The following CMIP variants were observed in gnomAD, a reference collection of about 807,000 sequenced individuals.
CMIP encodes c-Maf inducing protein.
CMIP carries 13 observed loss-of-function variants against 97.3 expected under a neutral mutation model. The observed-to-expected ratio is 0.13, with a 90% CI of 0.09 to 0.21. The LOEUF (loss-of-function observed/expected upper bound fraction) is 0.21, where lower values mean the gene tolerates loss of function less well. Ranked by LOEUF, CMIP falls within the 10% of genes least tolerant of loss-of-function variation. The pLI is 1.00. For synonymous variants in CMIP, 538 were observed against 436.3 expected (o/e 1.23, Z -2.91); for missense variants, 847 against 1,024.9 (o/e 0.83, Z 2.37).
chr16:81,685,563 C>T (rs1905288925), intron 10 of CMIP, among the ~76,000 whole-genome samples: 1 of 152,036 alleles, frequency 6.6e-6, no homozygotes, highest in South Asian at 2.1e-4. Flanking sequence ...CCCTCCCTTT[C>T]ATTTTTTGAG....
intron 9 of CMIP, among the ~76,000 whole-genome samples, chr16:81,674,222 G>C (rs780900717): frequency 6.6e-6 from 1 of 152,162 alleles, no homozygotes; most frequent in East Asian, 1.9e-4. Flanking sequence ...TCATTCCCAA[G>C]GGCATGTTCT....
chr16:81,605,681 G>A (rs1430720521), intron 1 of CMIP, among the ~76,000 whole-genome samples: 1 of 152,174 alleles, frequency 6.6e-6, no homozygotes, highest in Admixed American at 6.5e-5. Flanking sequence ...TGGCCGTGGG[G>A]TCTGTGACAC....
At chr16:81,656,752 C>G (rs1422834313) in intron 4 of CMIP, among the ~76,000 whole-genome samples, 2 of 152,202 alleles carry the variant, frequency 1.3e-5, no homozygotes, top group Non-Finnish European at 2.9e-5. Flanking sequence ...CTTCTCCTGC[C>G]TCAGCCTCCC....
At chr16:81,578,205 ATCATCACCACCATCATAACCATCACCT>A (rs2091234896) in intron 1 of CMIP, among the ~76,000 whole-genome samples, 3 of 151,464 alleles carry the variant, frequency 2.0e-5, no homozygotes, top group Admixed American at 1.3e-4. Flanking sequence ...CACCATCACC[ATCATCACCACCATCATAACCATCACCT>A]TCATCACCAC....
Position 81,691,786 on chromosome 16 carries a change from A to T in CMIP, c.1400A>T (p.Asp467Val), listed in dbSNP as rs1906108981. ...CTCTCTCATTCTAGGTCAGACTATG[A>T]TGACTGGAGACCGTCTCTGGCCAGT... ...VEILKLLSDY[D>V]DWRPSLASLL... The change falls in exon 11 of 21, where the codon GAT (aspartate) becomes GTT (valine). Residue 467 changes from aspartate (D) to valine (V), a missense_variant. Asp to Val is a radical substitution (Grantham distance 152, BLOSUM62 -3). This residue lies in a region of CMIP where 202 missense variants were observed against 168.7 expected (regional missense o/e 1.20). Transcript: ENST00000537098. 1.9e-6 allele frequency: 3 copies of T among 1,613,844 alleles called. No individual in the cohort carries two copies. The East Asian group carries it at 6.7e-5, about 36-fold the overall frequency.
chr16:81,496,569 G>A (rs543252426), intron 1 of CMIP, among the ~76,000 whole-genome samples: 1 of 152,238 alleles, frequency 6.6e-6, no homozygotes, highest in East Asian at 1.9e-4. Flanking sequence ...GGATGACGAT[G>A]TCTCAAAGTA....
chr16:81,456,539 A>G (rs77700579), intron 1 of CMIP, among the ~76,000 whole-genome samples: 1 of 152,108 alleles, frequency 6.6e-6, no homozygotes, highest in Admixed American at 6.5e-5. Context: ...AGACACTACT[A>G]GAGCCCTTTG....
chr16:81,577,167 T>G lies in CMIP; in HGVS notation c.301-30400T>G, dbSNP rs563857274. Among the ~76,000 whole-genome samples, 16 of 144,334 alleles carry G rather than the reference T, an allele frequency of 1.1e-4. No individual in the cohort carries two copies. In the South Asian group the frequency reaches 3.3e-3, roughly 30 times the overall value. The allele number at this position is 144,334 out of a possible 152,430, so 94.7% of individuals were successfully genotyped here. ...CACCATCATCCCCATTACCACTACA[T>G]TATTATCACTATCACCATCACCATC... On this transcript the variant is annotated intron_variant, in intron 1 of 20. Transcript: ENST00000537098.
chr16:81,597,285 A>G (rs1425972620), intron 1 of CMIP, among the ~76,000 whole-genome samples: 1 of 151,982 alleles, frequency 6.6e-6, no homozygotes, highest in East Asian at 1.9e-4. Context: ...AACACTTATC[A>G]TTTTTCATCT....
At chr16:81,572,866 A>G (rs564070670) in intron 1 of CMIP, among the ~76,000 whole-genome samples, 51 of 152,302 alleles carry the variant, frequency 3.3e-4, no homozygotes, top group African/African-American at 1.2e-3. Context: ...TAGCACCAGC[A>G]TCAGTCCTGC....
intron 1 of CMIP, among the ~76,000 whole-genome samples, chr16:81,578,795 G>C (rs16955583): frequency 6.6e-5 from 10 of 152,180 alleles, no homozygotes. Context: ...CACTGGCGTC[G>C]GAAAAGTTCC....
intron 14 of CMIP, among the ~76,000 whole-genome samples, chr16:81,698,587 G>A (rs371279614): frequency 2.6e-5 from 4 of 152,320 alleles, no homozygotes; most frequent in South Asian, 2.1e-4. Context: ...GAGCAGGGGA[G>A]GGGGCTTTTT....
At chr16:81,666,549 G>C (rs1227726655) in intron 7 of CMIP, 1 of 152,090 alleles carries the variant, frequency 6.6e-6, no homozygotes, top group Admixed American at 6.6e-5. Context: ...ACCGCTCTGG[G>C]CAGACCCAGA....
chr16:81,609,180 C>G lies in CMIP; in HGVS notation c.426+1488C>G. Among the ~76,000 whole-genome samples, 2 of 151,602 alleles carry G rather than the reference C, an allele frequency of 1.3e-5. 1 individual carries two copies. Among genetic ancestry groups the G allele is most frequent in the Non-Finnish European group, 2.9e-5 (2 of 67,910 alleles). ...CTGTCCCCACACCCCCACACTGTCC[C>G]TCCCCCCCTCCCCACCACAGCCAGC... is the stretch of plus-strand genomic sequence containing the variant. On this transcript the variant is annotated intron_variant, in intron 2 of 20. Transcript: ENST00000537098.
At chr16:81,467,194 C>G (rs370015284) in intron 1 of CMIP, among the ~76,000 whole-genome samples, 1 of 152,192 alleles carries the variant, frequency 6.6e-6, no homozygotes, top group Non-Finnish European at 1.5e-5. Context: ...TGTTTGTCAC[C>G]GGTCCCTAAC....
At chr16:81,670,031 C>A in intron 7 of CMIP, 111 bp from the exon 8 acceptor site, 1 of 1,016,752 alleles carries the variant, frequency 9.8e-7, no homozygotes, top group Non-Finnish European at 1.4e-6. Context: ...CCTTCCACAT[C>A]AACAGCTCCA....
chr16:81,577,270 A>G (rs1344497280), intron 1 of CMIP, among the ~76,000 whole-genome samples: 1 of 151,654 alleles, frequency 6.6e-6, no homozygotes, highest in African/African-American at 2.4e-5. Context: ...CACCATCACC[A>G]CCATCATCAC....
intron 1 of CMIP, among the ~76,000 whole-genome samples, chr16:81,509,396 A>G (rs1329260412): frequency 6.6e-6 from 1 of 152,150 alleles, no homozygotes; most frequent in Non-Finnish European, 1.5e-5. Flanking sequence ...TCGGCATAAC[A>G]CATTGGTGGG....
intron 1 of CMIP, among the ~76,000 whole-genome samples, chr16:81,455,466 G>C (rs1333562864): frequency 6.6e-6 from 1 of 152,232 alleles, no homozygotes; most frequent in Non-Finnish European, 1.5e-5. Flanking sequence ...CCCACGGAGA[G>C]GGAGGCGCAA....
Sources: allele counts gnomAD v4.1 joint callset (sites outside exome capture counted in the v4.1 genomes callset), GRCh38; gene constraint gnomAD v4.1.1; regional missense constraint gnomAD v4.1.1; transcripts MANE v1.5; gene names NCBI Gene and HGNC (gene_info 2026-07-23, HGNC 2026-07-21).